Variants in PDE4D observed in about 807,000 individuals in gnomAD.
The protein encoded by PDE4D is phosphodiesterase 4D.
PDE4D carries 24 observed loss-of-function variants against 87.4 expected under a neutral mutation model. The ratio of observed to expected loss-of-function variants is 0.27; its 90% confidence interval spans 0.20 to 0.39. PDE4D has a LOEUF of 0.39. Among genes scored for constraint, PDE4D ranks in the 10% least tolerant of loss-of-function variants. The pLI, the probability that PDE4D is intolerant of heterozygous loss-of-function variation, is 1.00. For missense variants in PDE4D, 714 were observed against 1,041.0 expected, an observed-to-expected ratio of 0.69 and a Z score of 4.32; for synonymous variants, 384 against 383.2, an observed-to-expected ratio of 1.00 and a Z score of -0.02.
Position 60,199,448 on chromosome 5 carries a change from G to A in PDE4D, c.-89-13761C>T, listed in dbSNP as rs76547886. Among the ~76,000 whole-genome samples the A allele has an allele frequency of 1.1e-3, 162 of 151,800 alleles. 5 individuals are homozygous for A. Among genetic ancestry groups the A allele is most frequent in the East Asian group, 0.01 (53 of 5,190 alleles). ...CAAAATGGTGATAAGGGATGAATGAGGGATTGCACAACAGCAAAATCTCAT... is the reference window on the plus strand; with the variant it reads ...CAAAATGGTGATAAGGGATGAATGAAGGATTGCACAACAGCAAAATCTCAT... On this transcript the variant is annotated intron_variant, in intron 1 of 16. Coordinates refer to the PDE4D transcript ENST00000502484.
At chr5:59,239,310 A>G (rs1757155684) in intron 1 of PDE4D, among the ~76,000 whole-genome samples, 2 of 152,048 alleles carry the variant, frequency 1.3e-5, no homozygotes, top group East Asian at 1.9e-4. Flanking sequence ...CTCACCGGAG[A>G]TCTTACCACC....
chr5:59,642,680 T>G (rs1479416389), intron 1 of PDE4D, among the ~76,000 whole-genome samples: 4 of 152,170 alleles, frequency 2.6e-5, no homozygotes, highest in Admixed American at 6.5e-5. Flanking sequence ...TTAAACCTCT[T>G]TTTCTTCCCA....
intron 2 of PDE4D, among the ~76,000 whole-genome samples, chr5:60,155,119 G>T (rs1272373720): frequency 6.6e-6 from 1 of 152,174 alleles, no homozygotes; most frequent in East Asian, 1.9e-4. Flanking sequence ...TCTAGGACTA[G>T]AATTACTGGG....
chr5:59,313,418 C>T (rs1028081655), intron 1 of PDE4D, among the ~76,000 whole-genome samples: 1 of 152,130 alleles, frequency 6.6e-6, no homozygotes. Flanking sequence ...ATTTACCCAA[C>T]ATCTGGACTG....
intron 1 of PDE4D, among the ~76,000 whole-genome samples, chr5:59,648,482 C>T (rs1314376654): frequency 6.6e-6 from 1 of 152,052 alleles, no homozygotes; most frequent in African/African-American, 2.4e-5. Context: ...TGAATGTGAG[C>T]TTCTGTAGTC....
intron 1 of PDE4D, among the ~76,000 whole-genome samples, chr5:59,724,806 C>T (rs975530903): frequency 3.9e-5 from 6 of 152,082 alleles, no homozygotes; most frequent in Non-Finnish European, 8.8e-5. Flanking sequence ...GGCTCTATTA[C>T]TAGAGCTTTT....
chr5:59,588,179 T>C (rs1489902882), intron 1 of PDE4D, among the ~76,000 whole-genome samples: 3 of 152,148 alleles, frequency 2.0e-5, no homozygotes, highest in African/African-American at 7.2e-5. Context: ...AGGGGGTGTG[T>C]AGATATGAGG....
chr5:59,585,843 T>C (rs1456405187), intron 1 of PDE4D, among the ~76,000 whole-genome samples: 1 of 152,208 alleles, frequency 6.6e-6, no homozygotes, highest in Non-Finnish European at 1.5e-5. Context: ...ATAGCTAAAA[T>C]ATCCTTAACT....
At chr5:59,431,340 G>A (rs991486066) in intron 1 of PDE4D, among the ~76,000 whole-genome samples, 1 of 152,228 alleles carries the variant, frequency 6.6e-6, no homozygotes, top group East Asian at 1.9e-4. Context: ...TATGCCATTT[G>A]CTAGAGTTAT....
chr5:59,402,651 G>A (rs2153614868), intron 1 of PDE4D, among the ~76,000 whole-genome samples: 1 of 152,226 alleles, frequency 6.6e-6, no homozygotes, highest in Non-Finnish European at 1.5e-5. Context: ...AAATTTGGTT[G>A]CTTTGGTTCC....
chr5:60,184,252 T>A (rs1258785254), intron 2 of PDE4D, among the ~76,000 whole-genome samples: 1 of 152,212 alleles, frequency 6.6e-6, no homozygotes, highest in African/African-American at 2.4e-5. Context: ...TTTACACATT[T>A]TTTTTTCAGA....
At chr5:59,027,497 G>A (rs1412749238) in intron 6 of PDE4D, among the ~76,000 whole-genome samples, 2 of 152,264 alleles carry the variant, frequency 1.3e-5, no homozygotes, top group African/African-American at 2.4e-5. Flanking sequence ...CGCACAGGAG[G>A]AGATTTGTCT....
intron 1 of PDE4D, among the ~76,000 whole-genome samples, chr5:59,536,077 A>C (rs1467078906): frequency 6.6e-6 from 1 of 152,228 alleles, no homozygotes; most frequent in Non-Finnish European, 1.5e-5. Flanking sequence ...ATCTGGGCAG[A>C]TGTGTAATGA....
chr5:60,179,024 C>T lies in PDE4D; in HGVS notation c.42+6533G>A, dbSNP rs778575533. On this transcript the variant is annotated intron_variant, in intron 2 of 16. Coordinates refer to the PDE4D transcript ENST00000502484. ...TGCAAGTACAGTCAAATCCTTCTCA[C>T]GGAAGCAATATTGCCAAAACAGAAG... Among the ~76,000 whole-genome samples, 9 of 152,036 alleles carry T rather than the reference C, an allele frequency of 5.9e-5. No homozygotes were observed. In the South Asian group the frequency reaches 8.3e-4, roughly 14 times the overall value.
chr5:59,006,633 C>G (rs947822043), intron 6 of PDE4D, among the ~76,000 whole-genome samples: 5 of 152,058 alleles, frequency 3.3e-5, no homozygotes, highest in African/African-American at 1.2e-4. Context: ...CTTTTTCAGA[C>G]TTTTCCTAGA....
chr5:59,379,858 G>A (rs1260962625), intron 1 of PDE4D, among the ~76,000 whole-genome samples: 1 of 152,018 alleles, frequency 6.6e-6, no homozygotes, highest in East Asian at 1.9e-4. Context: ...TTAGATTTAG[G>A]GGCTACATGT....
intron 1 of PDE4D, among the ~76,000 whole-genome samples, chr5:59,283,862 T>C (rs1461223401): frequency 1.3e-5 from 2 of 152,142 alleles, no homozygotes; most frequent in East Asian, 1.9e-4. Context: ...CAACACACAG[T>C]GAACATCACA....
At chr5:59,404,796 G>A (rs947322788) in intron 1 of PDE4D, among the ~76,000 whole-genome samples, 5 of 151,952 alleles carry the variant, frequency 3.3e-5, no homozygotes, top group Admixed American at 1.3e-4. Context: ...TTTTGTATAC[G>A]GCAAGAGATA....
chr5:59,505,718 C>T (rs571255592), intron 1 of PDE4D, among the ~76,000 whole-genome samples: 105 of 152,280 alleles, frequency 6.9e-4, no homozygotes, highest in Middle Eastern at 3.4e-3. Context: ...TATTCAATGT[C>T]TATATTCTAA....
Sources: allele counts gnomAD v4.1 joint callset (sites outside exome capture counted in the v4.1 genomes callset), GRCh38; gene constraint gnomAD v4.1.1; transcripts MANE v1.5; gene names NCBI Gene and HGNC (gene_info 2026-07-23, HGNC 2026-07-21).